Variants in NFATC3 observed in about 807,000 individuals in gnomAD.
NFATC3 encodes the protein nuclear factor of activated T-cells, cytoplasmic 3.
NFATC3 carries 46 observed loss-of-function variants against 98.6 expected under a neutral mutation model. That is an observed-to-expected ratio of 0.47 (90% confidence interval 0.37 to 0.60). NFATC3 has a LOEUF of 0.60. Among genes scored for constraint, NFATC3 ranks in the 20% least tolerant of loss-of-function variants. NFATC3 has a pLI of 0.00. For synonymous variants in NFATC3, 512 were observed against 472.2 expected (o/e 1.08, Z -1.09); for missense variants, 1,256 against 1,295.5 (o/e 0.97, Z 0.47).
At chr16:68,168,774 G>A (rs999102903) in intron 5 of NFATC3, among the ~76,000 whole-genome samples, 2 of 151,814 alleles carry the variant, frequency 1.3e-5, no homozygotes, top group East Asian at 1.9e-4. Context: ...GTGAGCCACC[G>A]CACCCAGCCC....
In NFATC3 at chr16:68,173,018, A is replaced by T. The variant is rs554815404; in HGVS notation, c.1775-1356A>T. On this transcript the variant is annotated intron_variant, in intron 5 of 9. Coordinates refer to ENST00000346183, the MANE Select transcript of NFATC3 (RefSeq NM_173165.3). ...ACACCTGTAATCCCAGCACTTTGGG[A>T]GGCCAATGTGGGAGGATCACTTGAG... Among the ~76,000 whole-genome samples the T allele has an allele frequency of 2.0e-4, 31 of 152,122 alleles. 1 individual carries two copies. In the South Asian group the frequency reaches 4.0e-3, roughly 19 times the overall value.
chr16:68,126,542 G>A lies in NFATC3; in HGVS notation c.1333G>A (p.Ala445Thr). Residue 445 changes from alanine (A) to threonine (T), a missense_variant, in exon 3 of 10, where the codon GCC becomes ACC. By Grantham distance (58) the Ala-to-Thr change is moderately conservative. Around this residue, in one of 3 missense-constraint regions of NFATC3, gnomAD observed 156 missense variants for 212.4 expected, o/e 0.73. Coordinates refer to ENST00000346183, the MANE Select transcript of NFATC3 (RefSeq NM_173165.3). ...AGTGCAACCTAAAACTCATCATCGA[G>A]CCCATTATGAAACTGAAGGTAGCCG... Reference protein sequence around the residue: ...IEVQPKTHHRAHYETEGSRGA... With the variant: ...IEVQPKTHHRTHYETEGSRGA... The A allele has an allele frequency of 6.2e-7, 1 of 1,614,154 alleles. No individual in the cohort carries two copies. Among genetic ancestry groups the A allele is most frequent in the South Asian group, 1.1e-5 (1 of 91,082 alleles).
chr16:68,211,449 G>A (rs980316494), intron 9 of NFATC3, among the ~76,000 whole-genome samples: 1 of 151,778 alleles, frequency 6.6e-6, no homozygotes, highest in African/African-American at 2.4e-5. Context: ...GCCTCCCAAA[G>A]TGCTGGGATT....
chr16:68,181,625 T>C, intron 7 of NFATC3, 95 bp downstream of exon 7: 1 of 937,974 alleles, frequency 1.1e-6, no homozygotes, highest in South Asian at 1.5e-5. Flanking sequence ...CTTTTGTATA[T>C]TGATTAATAA....
At chr16:68,207,427 A>T (rs747915896) in intron 9 of NFATC3, among the ~76,000 whole-genome samples, 13 of 152,184 alleles carry the variant, frequency 8.5e-5, no homozygotes, top group Non-Finnish European at 1.5e-4. Flanking sequence ...TTGTGTGTTT[A>T]CGTAAGAGTG....
intron 3 of NFATC3, among the ~76,000 whole-genome samples, chr16:68,155,116 G>A (rs1037722928): frequency 2.0e-5 from 3 of 152,176 alleles, no homozygotes; most frequent in Admixed American, 2.0e-4. Context: ...GTCTTCTTCT[G>A]GGTACAGGGA....
chr16:68,191,318 A>T lies in NFATC3; in HGVS notation c.2649A>T (p.Gly883=). ...VHTLPHLQSM[G]YHCSNTGQRS... is the part of the protein sequence containing the mutation. ...CCCTGCCTCATCTGCAATCAATGGG[A>T]TATCATTGTTCAAATACAGGACAAA... Residue 883 remains glycine, a synonymous_variant, in exon 9 of 10, where the codon GGA becomes GGT. Coordinates refer to ENST00000346183, the MANE Select transcript of NFATC3 (RefSeq NM_173165.3). 6.2e-7 allele frequency: 1 copy of T among 1,614,158 alleles called. No individual in the cohort carries two copies.
intron 1 of NFATC3, among the ~76,000 whole-genome samples, chr16:68,119,442 G>C (rs532182453): frequency 6.6e-6 from 1 of 151,842 alleles, no homozygotes; most frequent in Admixed American, 6.6e-5. Context: ...TTCCCATCTC[G>C]TAAGGCCTTA....
chr16:68,170,882 AT>A (rs2039427159), intron 5 of NFATC3, among the ~76,000 whole-genome samples: 4 of 145,666 alleles, frequency 2.7e-5, no homozygotes, highest in Admixed American at 1.4e-4. Flanking sequence ...ATACAGTTTT[AT>A]ATCGTTTTGC....
At chr16:68,182,947 T>C (rs1359329833) in intron 7 of NFATC3, among the ~76,000 whole-genome samples, 1 of 152,242 alleles carries the variant, frequency 6.6e-6, no homozygotes, top group African/African-American at 2.4e-5. Flanking sequence ...ACATGTAATA[T>C]TCAGTAGAGT....
chr16:68,119,950 A>G (rs2036483106), intron 1 of NFATC3, among the ~76,000 whole-genome samples: 2 of 152,110 alleles, frequency 1.3e-5, no homozygotes, highest in Admixed American at 1.3e-4. Context: ...AAAAATGAAC[A>G]GCACAAAGTT....
chr16:68,169,781 A>G (rs1310526933), intron 5 of NFATC3, among the ~76,000 whole-genome samples: 2 of 152,048 alleles, frequency 1.3e-5, no homozygotes, highest in Non-Finnish European at 2.9e-5. Context: ...TCTCTGCGAA[A>G]AATACAAAAA....
At chr16:68,193,917 A>G (rs2040547923) in intron 9 of NFATC3, among the ~76,000 whole-genome samples, 1 of 136,272 alleles carries the variant, frequency 7.3e-6, no homozygotes, top group African/African-American at 2.7e-5. Flanking sequence ...GGGGTGAGGT[A>G]TGGGGTCCGG....
chr16:68,196,680 T>G (rs540549102), intron 9 of NFATC3, among the ~76,000 whole-genome samples: 239 of 150,260 alleles, frequency 1.6e-3, no homozygotes, highest in African/African-American at 5.6e-3. Context: ...GGTGACAGAG[T>G]GAGAGACTCC....
chr16:68,215,911 G>T lies in NFATC3; in HGVS notation c.3107-10439G>T, dbSNP rs575634394. Among the ~76,000 whole-genome samples, 214 of 151,964 alleles carry T rather than the reference G, an allele frequency of 1.4e-3. 1 individual carries two copies. Among genetic ancestry groups the T allele is most frequent in the Non-Finnish European group, 1.9e-3 (128 of 67,970 alleles). ...GCCCGGCTAATTTTTTGTATTTTTA[G>T]TAGAGATGGGGTTTCACTGTGTTAG... On this transcript the variant is annotated intron_variant, in intron 9 of 9. Coordinates refer to ENST00000346183, the MANE Select transcript of NFATC3 (RefSeq NM_173165.3).
chr16:68,123,014 T>C lies in NFATC3; in HGVS notation c.1131T>C (p.Leu377=). Residue 377 remains leucine (L), a synonymous_variant, in exon 2 of 10, where the codon CTT becomes CTC. Coordinates refer to ENST00000346183, the MANE Select transcript of NFATC3 (RefSeq NM_173165.3). ...GGGAGACTTCAATAGATGATGGCCTTGGATCTCAGTATCCTTTAAAGAAAG... is the reference window on the plus strand; with the variant it reads ...GGGAGACTTCAATAGATGATGGCCTCGGATCTCAGTATCCTTTAAAGAAAG... ...PARETSIDDG[L]GSQYPLKKDS... The C allele has an allele frequency of 1.2e-6, 2 of 1,614,048 alleles. No homozygotes were observed. The highest frequency in any genetic ancestry group is 1.7e-6 in the Non-Finnish European group (2 of 1,180,048).
intron 5 of NFATC3, among the ~76,000 whole-genome samples, chr16:68,172,183 G>A (rs963142998): frequency 3.9e-5 from 6 of 152,124 alleles, no homozygotes; most frequent in Non-Finnish European, 7.4e-5. Flanking sequence ...TCTTTGAATC[G>A]GGCTGGCGTC....
chr16:68,206,780 C>T (rs1229938703), intron 9 of NFATC3, among the ~76,000 whole-genome samples: 2 of 151,936 alleles, frequency 1.3e-5, no homozygotes, highest in African/African-American at 2.4e-5. Flanking sequence ...CCCAGAAGAT[C>T]AGGACCAGCC....
chr16:68,192,289 ATG>A (rs2040472354), intron 9 of NFATC3: 1 of 139,782 alleles, frequency 7.2e-6, no homozygotes, highest in Admixed American at 7.3e-5. Context: ...GTATATATAT[ATG>A]TATGTGTGTA....
Sources: gnomAD v4.1 joint callset for allele counts (sites outside exome capture counted in the v4.1 genomes callset) on GRCh38, gnomAD v4.1.1 for gene constraint, gnomAD v4.1.1 regional missense constraint, MANE v1.5 for transcripts, NCBI Gene and HGNC (gene_info 2026-07-23, HGNC 2026-07-21) for gene names.